Variants in ANKRD6 observed in about 807,000 individuals in gnomAD.
ANKRD6 encodes the protein ankyrin repeat domain 6, also known as ankyrin repeat domain-containing protein 6.
Under a neutral mutation model 82.3 loss-of-function variants are expected in ANKRD6, and 56 were observed. The ratio of observed to expected loss-of-function variants is 0.68; its 90% CI spans 0.55 to 0.85. The LOEUF (loss-of-function observed/expected upper bound fraction) is 0.85, where lower values mean the gene tolerates loss of function less well. Among genes scored for constraint, ANKRD6 ranks in the 40% least tolerant of loss-of-function variants. ANKRD6 has a pLI of 0.00. For synonymous variants in ANKRD6, 347 were observed against 352.1 expected (o/e 0.99, Z 0.16); for missense variants, 852 against 907.6 (o/e 0.94, Z 0.79).
At chr6:89,573,366 G>A (rs1391534254) in intron 2 of ANKRD6, among the ~76,000 whole-genome samples, 4 of 152,046 alleles carry the variant, frequency 2.6e-5, no homozygotes, top group Non-Finnish European at 5.9e-5. Flanking sequence ...TCTACTATCT[G>A]ATAACTCTGT....
intron 1 of ANKRD6, among the ~76,000 whole-genome samples, chr6:89,493,566 T>G (rs115087251): frequency 0.013 from 1,919 of 152,242 alleles, 44 homozygotes; most frequent in African/African-American, 0.044. Flanking sequence ...TGCACTATCA[T>G]GCCCAGCTAA....
chr6:89,565,920 C>A (rs1788420803), intron 1 of ANKRD6, among the ~76,000 whole-genome samples: 1 of 152,218 alleles, frequency 6.6e-6, no homozygotes, highest in Non-Finnish European at 1.5e-5. Flanking sequence ...CTACCATTCA[C>A]CCTTGAAATA....
intron 1 of ANKRD6, among the ~76,000 whole-genome samples, chr6:89,504,391 T>TCTCTCG (rs925283717): frequency 4.6e-5 from 7 of 150,986 alleles, no homozygotes; most frequent in Non-Finnish European, 8.9e-5. Flanking sequence ...GGACAGTCTC[T>TCTCTCG]CTCTCGCTCT....
At chr6:89,550,809 A>T (rs1206446433) in intron 1 of ANKRD6, among the ~76,000 whole-genome samples, 1 of 152,146 alleles carries the variant, frequency 6.6e-6, no homozygotes, top group African/African-American at 2.4e-5. Context: ...TTCAAAAATT[A>T]GCAGGGCATG....
At chr6:89,576,332 G>A (rs537380634) in intron 2 of ANKRD6, among the ~76,000 whole-genome samples, 1 of 152,020 alleles carries the variant, frequency 6.6e-6, no homozygotes, top group South Asian at 2.1e-4. Context: ...TTACAGGCGT[G>A]AGCCACCACA....
chr6:89,471,359 C>CAAAAAAAAAAAAAAA (rs568718441), intron 1 of ANKRD6, among the ~76,000 whole-genome samples: 58 of 56,814 alleles, frequency 1.0e-3, no homozygotes, highest in African/African-American at 1.2e-3. Flanking sequence ...ACAACAACAA[C>CAAAAAAAAAAAAAAA]AAAAAAAAAA....
chr6:89,455,650 G>T (rs988230655), intron 1 of ANKRD6, among the ~76,000 whole-genome samples: 1 of 152,038 alleles, frequency 6.6e-6, no homozygotes, highest in South Asian at 2.1e-4. Context: ...GTTATCACAA[G>T]ATCTTGTTGT....
At chr6:89,542,589 T>C (rs1351087653) in intron 1 of ANKRD6, among the ~76,000 whole-genome samples, 1 of 152,176 alleles carries the variant, frequency 6.6e-6, no homozygotes, top group Non-Finnish European at 1.5e-5. Context: ...CGTACCTGAT[T>C]CCACTTTTCT....
chr6:89,443,599 A>C (rs1454675816), intron 1 of ANKRD6, among the ~76,000 whole-genome samples: 1 of 152,110 alleles, frequency 6.6e-6, no homozygotes, highest in Admixed American at 6.6e-5. Context: ...CATCTCAGCC[A>C]CCTGAGTAGC....
chr6:89,598,512 T>C, intron 3 of ANKRD6: 1 of 734,346 alleles, frequency 1.4e-6, no homozygotes, highest in Non-Finnish European at 1.7e-6. Context: ...GGGTGTTTCC[T>C]CTTGAAGAGG....
intron 1 of ANKRD6, among the ~76,000 whole-genome samples, chr6:89,476,545 A>G (rs966699048): frequency 7.9e-5 from 12 of 152,156 alleles, no homozygotes; most frequent in Non-Finnish European, 1.6e-4. Flanking sequence ...CATATCTTTC[A>G]TCATGGCTAT....
chr6:89,551,255 G>A (rs1361752078), intron 1 of ANKRD6, among the ~76,000 whole-genome samples: 2 of 152,116 alleles, frequency 1.3e-5, no homozygotes, highest in Non-Finnish European at 2.9e-5. Context: ...TTTTCCTCAC[G>A]CTGGTATGCT....
At chr6:89,478,663 A>AG (rs1776375897) in intron 1 of ANKRD6, among the ~76,000 whole-genome samples, 1 of 150,844 alleles carries the variant, frequency 6.6e-6, no homozygotes, top group Non-Finnish European at 1.5e-5. Flanking sequence ...GTGCTGAGAC[A>AG]GGAGAATTGC....
At chr6:89,617,821 A>G in intron 8 of ANKRD6, 133 bp from the exon 9 acceptor site, 1 of 793,852 alleles carries the variant, frequency 1.3e-6, no homozygotes, top group Non-Finnish European at 2.1e-6. Context: ...ATAGGTGGCC[A>G]TGTTTTGCCA....
chr6:89,588,705 G>A (rs1768509922), intron 2 of ANKRD6, among the ~76,000 whole-genome samples: 1 of 151,890 alleles, frequency 6.6e-6, no homozygotes, highest in African/African-American at 2.4e-5. Flanking sequence ...TTTGACTCTG[G>A]TCATAAGAAT....
At chr6:89,567,140 C>G (rs1234535747) in intron 2 of ANKRD6, 44 bp downstream of exon 2, 1 of 1,552,852 alleles carries the variant, frequency 6.4e-7, no homozygotes, top group Non-Finnish European at 8.7e-7. Flanking sequence ...TGGGAACTGG[C>G]CTACCTCTTA....
At chr6:89,495,546 A>G (rs907641733) in intron 1 of ANKRD6, among the ~76,000 whole-genome samples, 18 of 151,898 alleles carry the variant, frequency 1.2e-4, no homozygotes, top group African/African-American at 3.9e-4. Context: ...AATGGAATCA[A>G]CTCTACAACT....
chr6:89,468,242 G>C (rs913071339), intron 1 of ANKRD6, among the ~76,000 whole-genome samples: 1 of 152,068 alleles, frequency 6.6e-6, no homozygotes, highest in African/African-American at 2.4e-5. Flanking sequence ...TATCTTGTCT[G>C]TCTGGATTTT....
intron 1 of ANKRD6, among the ~76,000 whole-genome samples, chr6:89,463,530 A>G (rs565148629): frequency 6.6e-6 from 1 of 152,164 alleles, no homozygotes; most frequent in Non-Finnish European, 1.5e-5. Flanking sequence ...TTAACACAGT[A>G]TTTCATCAAG....
Sources: gnomAD v4.1 joint callset for allele counts (sites outside exome capture counted in the v4.1 genomes callset) on GRCh38, gnomAD v4.1.1 for gene constraint, MANE v1.5 for transcripts, NCBI Gene and HGNC (gene_info 2026-07-23, HGNC 2026-07-21) for gene names.